The following POLR2D variants were observed in gnomAD, a reference collection of about 807,000 sequenced individuals.
The protein encoded by POLR2D is RNA polymerase II subunit D.
Under a neutral mutation model 17.6 loss-of-function variants are expected in POLR2D, and 10 were observed. The ratio of observed to expected loss-of-function variants is 0.57; its 90% CI spans 0.35 to 0.96. POLR2D has a LOEUF of 0.96. Ranked by LOEUF, POLR2D falls within the 40% of genes least tolerant of loss-of-function variation. The pLI is 0.02. For missense variants in POLR2D, 126 were observed against 176.4 expected (o/e 0.71, Z 1.62); for synonymous variants, 52 against 60.2 (o/e 0.86, Z 0.63).
rs1021720585 is a variant in POLR2D, at chr2:127,848,324, A to G, written c.351-139T>C. The G allele has an allele frequency of 8.5e-6, 5 of 589,556 alleles. No homozygotes were observed. The African/African-American group carries it at 9.7e-5, about 11-fold the overall frequency. 36.5% of individuals were successfully genotyped at this position (589,556 alleles called of 1,614,324 possible). On this transcript the variant is annotated intron_variant, in intron 3 of 3. Transcript: ENST00000272645. ...GATTTCTTTTCCACTTTTCCTGATAAAACATTACAAAATATTTCAAACATA... is the reference window on the plus strand; with the variant it reads ...GATTTCTTTTCCACTTTTCCTGATAGAACATTACAAAATATTTCAAACATA...
At position 127,852,837 on chromosome 2, in the gene POLR2D, G is replaced by A. The variant is rs934566088; in HGVS notation, c.254+88C>T. 1.1e-6 allele frequency: 1 copy of A among 904,226 alleles called. No individual in the cohort carries two copies. The highest frequency in any genetic ancestry group is 1.7e-5 in the African/African-American group (1 of 59,930). 56.0% of individuals were successfully genotyped at this position (904,226 alleles called of 1,614,324 possible). On this transcript the variant is annotated intron_variant, in intron 2 of 3. Transcript: ENST00000272645. The surrounding 1 kb of genome is among the most constrained non-coding windows in gnomAD (Gnocchi z 4.0). ...AACATTATTTTACTTAAATTCACAAGTGACACCTGGGAAAGGGGGAGGGGA... is the reference window on the plus strand; with the variant it reads ...AACATTATTTTACTTAAATTCACAAATGACACCTGGGAAAGGGGGAGGGGA...
chr2:127,855,390 G>A (rs761676610), intron 1 of POLR2D, among the ~76,000 whole-genome samples: 25 of 96,646 alleles, frequency 2.6e-4, no homozygotes, highest in East Asian at 6.4e-4. Context: ...GTGAAACTCC[G>A]TCTCAAAAAA....
At chr2:127,855,267 A>T (rs1300045300) in intron 1 of POLR2D, among the ~76,000 whole-genome samples, 1 of 151,770 alleles carries the variant, frequency 6.6e-6, no homozygotes, top group Non-Finnish European at 1.5e-5. Context: ...GTGGCACATG[A>T]CTGTACTCCC....
Position 127,846,741 on chromosome 2 carries a change from T to G in POLR2D, c.*1366A>C. On this transcript the variant is annotated 3_prime_UTR_variant, in exon 4 of 4. Transcript: ENST00000272645. ...TAACAACTCCGCTCCTTATATGGGC[T>G]TTGGTGGAGGTCATGGGGCAGCACC... is the stretch of plus-strand genomic sequence containing the variant. The G allele has an allele frequency of 6.3e-6, 1 of 159,194 alleles. No individual in the cohort carries two copies. 9.9% of individuals were successfully genotyped at this position (159,194 alleles called of 1,614,324 possible).
chr2:127,849,994 T>C (rs1197168153), intron 3 of POLR2D, among the ~76,000 whole-genome samples: 1 of 152,254 alleles, frequency 6.6e-6, no homozygotes. Context: ...TTGGAGTATA[T>C]TCATCTTTAC....
rs983212841 is a variant in POLR2D at position 127,844,748 on chromosome 2, G to A, written c.*3359C>T. ...GGCTCACTGCAACCTCCACCTCCCG[G>A]GTTCAAGCAATTCTCCTGTCTCAGC... On this transcript the variant is annotated 3_prime_UTR_variant, in exon 4 of 4. Coordinates refer to ENST00000272645, the MANE Select transcript of POLR2D (RefSeq NM_004805.4). The A allele has an allele frequency of 6.6e-6, 1 of 152,004 alleles. No individual in the cohort carries two copies. The highest frequency in any genetic ancestry group is 2.4e-5 in the African/African-American group (1 of 41,360). 9.4% of individuals were successfully genotyped at this position (152,004 alleles called of 1,614,324 possible).
At position 127,847,924 on chromosome 2, in the gene POLR2D, T is replaced by C. The variant is rs1337325319; in HGVS notation, c.*183A>G. 4 of 616,874 alleles carry C rather than the reference T, an allele frequency of 6.5e-6. No homozygotes were observed. The Admixed American group carries it at 7.9e-5, about 12-fold the overall frequency. 38.2% of individuals were successfully genotyped at this position (616,874 alleles called of 1,614,324 possible). On this transcript the variant is annotated 3_prime_UTR_variant, in exon 4 of 4. Coordinates refer to ENST00000272645, the MANE Select transcript of POLR2D (RefSeq NM_004805.4). ...TGCACAAGGCTGCTCCAAGATTCCA[T>C]GTCACCTGGGCCTGTGAGTTATTTG...
intron 3 of POLR2D, among the ~76,000 whole-genome samples, chr2:127,850,011 T>C (rs1270224658): frequency 6.6e-6 from 1 of 152,224 alleles, no homozygotes. Context: ...TTACCAGACA[T>C]AGCCAAATCA....
chr2:127,848,233 C>T lies in POLR2D; in HGVS notation c.351-48G>A, dbSNP rs141284448. The T allele has an allele frequency of 1.6e-4, 202 of 1,231,912 alleles. No homozygotes were observed. The African/African-American group carries it at 2.3e-3, about 14-fold the overall frequency. 76.3% of individuals were successfully genotyped at this position (1,231,912 alleles called of 1,614,324 possible). A position where few individuals can be genotyped will look rare whatever the true frequency, so the allele number is the denominator to read the frequency against. On this transcript the variant is annotated intron_variant, in intron 3 of 3. Transcript: ENST00000272645. ...GAGTGATTTGGCGACTGGCAATTTC[C>T]CCGCACTCTTCTTTGAGGCGTGCTA...
At chr2:127,853,968 T>A (rs896625347) in intron 1 of POLR2D, among the ~76,000 whole-genome samples, 2 of 152,182 alleles carry the variant, frequency 1.3e-5, no homozygotes, top group Non-Finnish European at 2.9e-5. Flanking sequence ...AGTTACTGAT[T>A]TCAAGAGTAC....
rs1303494807 is a variant in POLR2D at position 127,850,664 on chromosome 2, A to G, written c.276T>C (p.Leu92=). ...CCAAACAGGCCAACTCAAACTTATG[A>G]AGCTTTTTCTGGAGTAGCAAGCTAA... The part of the protein sequence containing the change: ...SVRSLLLQKK[L]HKFELACLAN... Residue 92 remains leucine (L), a synonymous_variant, in exon 3 of 4, where the codon CTT becomes CTC. Transcript: ENST00000272645. 6.4e-7 allele frequency: 1 copy of G among 1,571,824 alleles called. No individual in the cohort carries two copies. Among genetic ancestry groups the G allele is most frequent in the Non-Finnish European group, 8.7e-7 (1 of 1,154,028 alleles).
chr2:127,849,304 G>A (rs569201321), intron 3 of POLR2D, among the ~76,000 whole-genome samples: 19 of 152,232 alleles, frequency 1.2e-4, no homozygotes, highest in African/African-American at 4.3e-4. Context: ...GCCTCCCAAA[G>A]TGCTGGGATT....
chr2:127,846,787 G>C lies in POLR2D; in HGVS notation c.*1320C>G, dbSNP rs140697048. On this transcript the variant is annotated 3_prime_UTR_variant, in exon 4 of 4. Transcript: ENST00000272645. ...GCACCTGCAGGTCTACGTTGGGGTG[G>C]AGGTGTTCGGTCCTTGCCTGCTTCA... 1.9e-5 allele frequency: 3 copies of C among 159,086 alleles called. No individual in the cohort carries two copies. The highest frequency in any genetic ancestry group is 7.2e-5 in the African/African-American group (3 of 41,734). 9.9% of individuals were successfully genotyped at this position (159,086 alleles called of 1,614,324 possible).
At chr2:127,850,154 CT>C (rs1401030210) in intron 3 of POLR2D, among the ~76,000 whole-genome samples, 1 of 152,002 alleles carries the variant, frequency 6.6e-6, no homozygotes. Context: ...TAAAAGGGCA[CT>C]TTTGGCTGGG....
chr2:127,845,409 CTT>C lies in POLR2D; in HGVS notation c.*2696_*2697del, dbSNP rs921959023. 1.7e-5 allele frequency: 2 copies of C among 114,876 alleles called. No homozygotes were observed. Among genetic ancestry groups the C allele is most frequent in the African/African-American group, 3.7e-5 (1 of 26,820 alleles). 7.1% of individuals were successfully genotyped at this position (114,876 alleles called of 1,614,324 possible). A position where few individuals can be genotyped will look rare whatever the true frequency, so the allele number is the denominator to read the frequency against. On this transcript the variant is annotated 3_prime_UTR_variant, in exon 4 of 4. Transcript: ENST00000272645. ...TTTTTTTTTTTGAGACAGTTTCGCT[CTT>C]GTTGCCTAGGCTGGAGTACAATGGT...
At chr2:127,856,511 T>C (rs1690333633) in intron 1 of POLR2D, among the ~76,000 whole-genome samples, 1 of 148,758 alleles carries the variant, frequency 6.7e-6, no homozygotes, top group Non-Finnish European at 1.5e-5. Flanking sequence ...GGCTTGAAAC[T>C]AGGAGGGGTA....
In POLR2D at chr2:127,845,601, C is replaced by CA. The variant is rs1177077315; in HGVS notation, c.*2505_*2506insT. The stretch of plus-strand genomic sequence containing the variant: ...TGTTGGTCAGGATGGTCTCAAACTC[C>CA]CAACCTCAGGTGATCCGCCTGCCTC... On this transcript the variant is annotated 3_prime_UTR_variant, in exon 4 of 4. Coordinates refer to ENST00000272645, the MANE Select transcript of POLR2D (RefSeq NM_004805.4). 2.6e-5 allele frequency: 4 copies of CA among 151,984 alleles called. No homozygotes were observed. The East Asian group carries it at 7.7e-4, about 29-fold the overall frequency. 9.4% of individuals were successfully genotyped at this position (151,984 alleles called of 1,614,324 possible).
rs1164963630 is a variant in POLR2D, at chr2:127,858,080, A to T, written c.21T>A (p.Asp7Glu). 1.2e-5 allele frequency: 18 copies of T among 1,535,152 alleles called. No individual in the cohort carries two copies. The highest frequency in any genetic ancestry group is 1.6e-5 in the Non-Finnish European group (18 of 1,143,974). The change falls in exon 1 of 4, where the codon GAT becomes GAA. Residue 7 changes from aspartate (D) to glutamate (E), a missense_variant. Coordinates refer to ENST00000272645, the MANE Select transcript of POLR2D (RefSeq NM_004805.4). ...CCTCCTCTACGTCGCCAGCCCGCGG[A>T]TCGCTGCCACCCGCCGCCATCGCCG... The part of the protein sequence containing the change: MAAGGS[D>E]PRAGDVEEDA...
intron 1 of POLR2D, 28 bp downstream of exon 1, chr2:127,858,000 G>A (rs1690368416): frequency 1.3e-6 from 2 of 1,575,252 alleles, no homozygotes; most frequent in Non-Finnish European, 1.7e-6. Context: ...GAAGTGGCGC[G>A]GGGGAGTCTG....
Sources: gnomAD v4.1 joint callset for allele counts (sites outside exome capture counted in the v4.1 genomes callset) on GRCh38, gnomAD v4.1.1 for gene constraint, Gnocchi (gnomAD v3.1) non-coding constraint, MANE v1.5 for transcripts, NCBI Gene and HGNC (gene_info 2026-07-23, HGNC 2026-07-21) for gene names.